The following PCCA variants were observed in gnomAD, a reference collection of about 807,000 sequenced individuals.
The protein encoded by PCCA is propionyl-CoA carboxylase subunit alpha.
In PCCA, 74 loss-of-function variants were observed where a neutral mutation model predicts 101.3. The observed-to-expected ratio is 0.73, with a 90% CI of 0.61 to 0.89. The LOEUF is 0.89. Ranked by LOEUF, PCCA falls within the 40% of genes least tolerant of loss-of-function variation. The pLI is 0.00. For missense variants in PCCA, 891 were observed against 907.0 expected, an observed-to-expected ratio of 0.98 and a Z score of 0.23; for synonymous variants, 294 against 313.6, an observed-to-expected ratio of 0.94 and a Z score of 0.66.
At chr13:100,307,169 C>CT (rs751877951) in intron 14 of PCCA, 23 bp from the exon 15 acceptor site, 12 of 1,570,434 alleles carry the variant, frequency 7.6e-6, no homozygotes, top group Non-Finnish European at 1.0e-5. Context: ...AATTACTTTT[C>CT]TTTTTTTCTT....
chr13:100,458,440 TACACACACAC>T (rs777836240), intron 21 of PCCA, among the ~76,000 whole-genome samples: 3,633 of 118,762 alleles, frequency 0.031, 76 homozygotes, highest in South Asian at 0.059. Flanking sequence ...CACACACACA[TACACACACAC>T]ACACACACAC....
intron 4 of PCCA, among the ~76,000 whole-genome samples, chr13:100,128,774 C>T (rs2050207472): frequency 6.6e-6 from 1 of 152,142 alleles, no homozygotes; most frequent in Non-Finnish European, 1.5e-5. Flanking sequence ...CTTTTTCAGA[C>T]ACTCTCATCC....
rs552724371 is a variant in PCCA, at chr13:100,194,065, C to T, written c.469-15267C>T. On this transcript the variant is annotated intron_variant, in intron 6 of 23. Coordinates refer to ENST00000376285, the MANE Select transcript of PCCA (RefSeq NM_000282.4). ...CAGCCTGGGTGACAGAGCAAGCCTC[C>T]GTCTCAAAAAAAAAAAAAGAAATCA... Among the ~76,000 whole-genome samples, 268 of 149,558 alleles carry T rather than the reference C, an allele frequency of 1.8e-3. 1 individual carries two copies. The highest frequency in any genetic ancestry group is 6.1e-3 in the African/African-American group (247 of 40,478).
intron 16 of PCCA, among the ~76,000 whole-genome samples, chr13:100,314,823 T>C (rs1293894617): frequency 4.6e-5 from 7 of 152,166 alleles, no homozygotes; most frequent in African/African-American, 1.4e-4. Flanking sequence ...CTAAATGCAA[T>C]GTGTGATCCT....
At chr13:100,130,140 A>G (rs1378559389) in intron 4 of PCCA, among the ~76,000 whole-genome samples, 4 of 152,212 alleles carry the variant, frequency 2.6e-5, no homozygotes, top group Non-Finnish European at 5.9e-5. Flanking sequence ...TTCAAGCATC[A>G]ATTTATCCAA....
At chr13:100,184,130 G>A (rs1269541380) in intron 6 of PCCA, among the ~76,000 whole-genome samples, 1 of 152,162 alleles carries the variant, frequency 6.6e-6, no homozygotes, top group African/African-American at 2.4e-5. Flanking sequence ...CAAAGAGGAA[G>A]CAGGCACGTC....
chr13:100,351,356 T>G (rs2073247893), intron 18 of PCCA, among the ~76,000 whole-genome samples: 1 of 152,158 alleles, frequency 6.6e-6, no homozygotes, highest in Non-Finnish European at 1.5e-5. Context: ...GTAAAAAACT[T>G]AAAAAAGGAA....
At chr13:100,238,773 T>G (rs1054994763) in intron 8 of PCCA, among the ~76,000 whole-genome samples, 4 of 152,248 alleles carry the variant, frequency 2.6e-5, no homozygotes, top group Admixed American at 1.3e-4. Flanking sequence ...TGTTGTTTGA[T>G]ATTTCGTAAG....
chr13:100,320,675 C>T (rs979851038), intron 16 of PCCA, among the ~76,000 whole-genome samples: 11 of 152,050 alleles, frequency 7.2e-5, no homozygotes, highest in Non-Finnish European at 1.6e-4. Context: ...GGGATGAAGC[C>T]CACTTGATCA....
chr13:100,276,321 C>T (rs144958601), intron 12 of PCCA, among the ~76,000 whole-genome samples: 12 of 151,354 alleles, frequency 7.9e-5, no homozygotes, highest in East Asian at 3.9e-4. Context: ...GAGACTTCCC[C>T]ACTCATTCTG....
At chr13:100,138,934 C>CA (rs34466523) in intron 4 of PCCA, among the ~76,000 whole-genome samples, 135 of 82,984 alleles carry the variant, frequency 1.6e-3, no homozygotes, top group Admixed American at 1.8e-3. Flanking sequence ...AACTCCATCT[C>CA]AAAAAAAAAA....
rs3059677 is a variant in PCCA, at chr13:100,529,957, CGGTGG to C, written c.2119-130_2119-126del. ...TCACCAGGGTCCCTTCGATGGGCTCCGGTGGGGTGGGGTGGCTTGTCCCTGTGCTG... is the reference window on the plus strand; with the variant it reads ...TCACCAGGGTCCCTTCGATGGGCTCCGGTGGGGTGGCTTGTCCCTGTGCTG... On this transcript the variant is annotated intron_variant, in intron 23 of 23. Transcript: ENST00000376285. 348,964 of 731,928 alleles carry C rather than the reference CGGTGG, an allele frequency of 0.48. 89,175 individuals are homozygous for C. Among genetic ancestry groups the C allele is most frequent in the East Asian group, 0.78 (29,245 of 37,310 alleles). 45.3% of individuals were successfully genotyped at this position (731,928 alleles called of 1,614,324 possible).
chr13:100,425,705 G>C lies in PCCA; in HGVS notation c.1819G>C (p.Val607Leu), dbSNP rs751083923. 2 of 1,613,404 alleles carry C rather than the reference G, an allele frequency of 1.2e-6. No individual in the cohort carries two copies. Among genetic ancestry groups the C allele is most frequent in the African/African-American group, 1.3e-5 (1 of 74,930 alleles). The change falls in exon 20 of 24, where the codon GTT becomes CTT. Residue 607 changes from valine to leucine, a missense_variant. Coordinates refer to ENST00000376285, the MANE Select transcript of PCCA (RefSeq NM_000282.4). Reference protein sequence around the residue: ...NLASPLLSVSVDGTQRTVQCL... With the variant: ...NLASPLLSVSLDGTQRTVQCL... ...GGCTTCGCCCTTATTGTCTGTCAGC[G>C]TTGATGGCACTCAGAGGACTGTCCA...
chr13:100,119,048 A>G (rs958592856), intron 4 of PCCA, among the ~76,000 whole-genome samples: 13 of 151,856 alleles, frequency 8.6e-5, no homozygotes, highest in African/African-American at 3.1e-4. Flanking sequence ...ACCACCTCTC[A>G]TCTAATGTTT....
At chr13:100,230,532 C>T (rs539240817) in intron 7 of PCCA, among the ~76,000 whole-genome samples, 9 of 145,362 alleles carry the variant, frequency 6.2e-5, no homozygotes, top group Admixed American at 6.0e-4. Flanking sequence ...GTGACAGACT[C>T]CCATCTCAAA....
intron 9 of PCCA, among the ~76,000 whole-genome samples, chr13:100,260,847 C>G (rs955106685): frequency 1.3e-5 from 2 of 151,104 alleles, no homozygotes; most frequent in Admixed American, 6.6e-5. Context: ...AGTAGTCTGT[C>G]ATCGCCAAAA....
chr13:100,220,552 T>C (rs1240260779), intron 7 of PCCA, among the ~76,000 whole-genome samples: 1 of 151,998 alleles, frequency 6.6e-6, no homozygotes. Context: ...ATTACAGGCA[T>C]GTGCCACCGC....
chr13:100,430,359 GAAC>G (rs2079458329), intron 20 of PCCA, among the ~76,000 whole-genome samples: 1 of 152,200 alleles, frequency 6.6e-6, no homozygotes, highest in African/African-American at 2.4e-5. Context: ...TGTCCCTGAA[GAAC>G]ACCATTATGA....
chr13:100,470,871 TA>T (rs1302031140), intron 21 of PCCA, among the ~76,000 whole-genome samples: 1 of 151,780 alleles, frequency 6.6e-6, no homozygotes, highest in Non-Finnish European at 1.5e-5. Flanking sequence ...AAAATAAAAA[TA>T]AAAAAACTTT....
Sources: gnomAD v4.1 joint callset for allele counts (sites outside exome capture counted in the v4.1 genomes callset) on GRCh38, gnomAD v4.1.1 for gene constraint, MANE v1.5 for transcripts, NCBI Gene and HGNC (gene_info 2026-07-23, HGNC 2026-07-21) for gene names.